Variants in PDE1C observed in about 807,000 individuals in gnomAD.
The protein encoded by PDE1C is phosphodiesterase 1C.
Under a neutral mutation model 93.1 loss-of-function variants are expected in PDE1C, and 62 were observed. That is an observed-to-expected ratio of 0.67 (90% CI 0.54 to 0.82). The LOEUF is 0.82. Ranked by LOEUF, PDE1C falls within the 40% of genes least tolerant of loss-of-function variation. The pLI is 0.00. For synonymous variants in PDE1C, 325 were observed against 310.1 expected, an observed-to-expected ratio of 1.05 and a Z score of -0.50; for missense variants, 742 against 884.6, an observed-to-expected ratio of 0.84 and a Z score of 2.04.
chr7:32,206,258 G>A (rs986101220), intron 2 of PDE1C, among the ~76,000 whole-genome samples: 1 of 152,112 alleles, frequency 6.6e-6, no homozygotes. Flanking sequence ...ACGGCTCACT[G>A]ATTAGGATGC....
intron 1 of PDE1C, among the ~76,000 whole-genome samples, chr7:32,376,010 A>G (rs182187253): frequency 1.3e-5 from 2 of 152,262 alleles, no homozygotes; most frequent in African/African-American, 4.8e-5. Flanking sequence ...TAGAAAAATT[A>G]GCCAAGGGTT....
rs554806370 is a variant in PDE1C at position 31,919,064 on chromosome 7, C to A, written c.129-38204G>T. On this transcript the variant is annotated intron_variant, in intron 2 of 17. Transcript: ENST00000396191. ...ATTAAGGCAGGGCTTACAGATAAAT[C>A]CCAAAGTTCAAATGTAAGTATCTTG... Among the ~76,000 whole-genome samples the A allele has an allele frequency of 2.0e-5, 3 of 152,240 alleles. No individual in the cohort carries two copies. In the East Asian group the frequency reaches 5.8e-4, roughly 29 times the overall value.
At chr7:31,863,530 TA>T (rs897070093) in intron 7 of PDE1C, among the ~76,000 whole-genome samples, 1 of 152,202 alleles carries the variant, frequency 6.6e-6, no homozygotes, top group Non-Finnish European at 1.5e-5. Flanking sequence ...AAATGTTTGG[TA>T]AAAATCTTTT....
At chr7:31,968,664 C>T (rs546084476) in intron 2 of PDE1C, among the ~76,000 whole-genome samples, 2 of 152,202 alleles carry the variant, frequency 1.3e-5, no homozygotes, top group East Asian at 1.9e-4. Flanking sequence ...CAATCCTAAG[C>T]CAAAAGAACA....
At chr7:32,166,391 C>G (rs1802275821) in intron 3 of PDE1C, among the ~76,000 whole-genome samples, 1 of 152,138 alleles carries the variant, frequency 6.6e-6, no homozygotes, top group Non-Finnish European at 1.5e-5. Flanking sequence ...AACTGTGTTG[C>G]CTTCCAGCAA....
At chr7:32,041,848 G>A (rs956491128) in intron 2 of PDE1C, among the ~76,000 whole-genome samples, 1 of 152,030 alleles carries the variant, frequency 6.6e-6, no homozygotes, top group Non-Finnish European at 1.5e-5. Flanking sequence ...GGCCAAATAC[G>A]AAAACTTTCA....
chr7:31,996,247 A>G (rs1272745530), intron 2 of PDE1C, among the ~76,000 whole-genome samples: 1 of 152,072 alleles, frequency 6.6e-6, no homozygotes, highest in East Asian at 1.9e-4. Flanking sequence ...CCCTGGATGG[A>G]GCAAAGTTTT....
chr7:31,969,481 G>C (rs892385745), intron 2 of PDE1C, among the ~76,000 whole-genome samples: 1 of 152,260 alleles, frequency 6.6e-6, no homozygotes, highest in Non-Finnish European at 1.5e-5. Context: ...TCATTAAAAA[G>C]TCAGGAAACA....
At chr7:32,167,604 G>T (rs76321395) in intron 3 of PDE1C, among the ~76,000 whole-genome samples, 6,573 of 152,256 alleles carry the variant, frequency 0.043, 276 homozygotes, top group South Asian at 0.19. Flanking sequence ...CTGTCAATAA[G>T]GCTGGGGGTC....
At chr7:32,201,558 G>A (rs1419708637) in intron 2 of PDE1C, among the ~76,000 whole-genome samples, 1 of 152,182 alleles carries the variant, frequency 6.6e-6, no homozygotes, top group East Asian at 1.9e-4. Context: ...CTGAGGACAA[G>A]GGTGTGAGCA....
intron 2 of PDE1C, among the ~76,000 whole-genome samples, chr7:31,889,274 C>A (rs1211873408): frequency 6.6e-6 from 1 of 152,216 alleles, no homozygotes; most frequent in Non-Finnish European, 1.5e-5. Context: ...GTCCCTCTAC[C>A]ACTTCACTAT....
intron 1 of PDE1C, among the ~76,000 whole-genome samples, chr7:32,288,609 G>C (rs994298997): frequency 6.6e-6 from 1 of 152,190 alleles, no homozygotes; most frequent in African/African-American, 2.4e-5. Flanking sequence ...CTCTTTAAGA[G>C]ATGACTGATT....
chr7:32,420,118 T>TAC (rs1210482057), intron 1 of PDE1C, among the ~76,000 whole-genome samples: 4 of 24,184 alleles, frequency 1.7e-4, no homozygotes, highest in Non-Finnish European at 1.8e-4. Flanking sequence ...TATATATATA[T>TAC]ATATATACAC....
chr7:32,063,572 C>T (rs1795050715), intron 1 of PDE1C, among the ~76,000 whole-genome samples: 1 of 152,188 alleles, frequency 6.6e-6, no homozygotes, highest in Non-Finnish European at 1.5e-5. Context: ...AACCAAATTA[C>T]AATAATCAAG....
chr7:32,389,298 A>T (rs1210688272), intron 1 of PDE1C, among the ~76,000 whole-genome samples: 1 of 151,648 alleles, frequency 6.6e-6, no homozygotes, highest in Admixed American at 6.6e-5. Flanking sequence ...TCAGCACCAA[A>T]CTCTACCTCC....
At chr7:32,074,864 G>A (rs530969534), upstream of PDE1C, among the ~76,000 whole-genome samples, 1 of 152,328 alleles carries the variant, frequency 6.6e-6, no homozygotes, top group East Asian at 1.9e-4. Context: ...TGGTGTGTCT[G>A]TGAATGTGAC....
At chr7:32,385,936 T>C (rs1363141873) in intron 1 of PDE1C, among the ~76,000 whole-genome samples, 1 of 152,084 alleles carries the variant, frequency 6.6e-6, no homozygotes, top group Non-Finnish European at 1.5e-5. Flanking sequence ...TCTGGGCTCC[T>C]TGAAACCCCA....
chr7:32,232,455 A>G (rs959834769), intron 1 of PDE1C, among the ~76,000 whole-genome samples: 2 of 152,192 alleles, frequency 1.3e-5, no homozygotes, highest in African/African-American at 4.8e-5. Flanking sequence ...TAGTGGAGTA[A>G]ACCCCCATTG....
chr7:32,174,267 A>G lies in PDE1C; in HGVS notation c.137-4311T>C, dbSNP rs1802839797. 4.6e-5 allele frequency among the ~76,000 whole-genome samples: 7 copies of G among 152,222 alleles called. No homozygotes were observed. The South Asian group carries it at 1.5e-3, about 32-fold the overall frequency. On this transcript the variant is annotated intron_variant, in intron 2 of 18. Transcript: ENST00000396193. ...TTCATTTTTTTCATTCAGTAAACAC[A>G]TATTGAATTCCCTCAATGTGCCAGG...
Sources: gnomAD v4.1 joint callset for allele counts (sites outside exome capture counted in the v4.1 genomes callset) on GRCh38, gnomAD v4.1.1 for gene constraint, MANE v1.5 for transcripts, NCBI Gene and HGNC (gene_info 2026-07-23, HGNC 2026-07-21) for gene names.